Variants in L3MBTL3 observed in about 807,000 individuals in gnomAD.
The protein encoded by L3MBTL3 is L3MBTL histone methyl-lysine binding protein 3, also known as lethal(3)malignant brain tumor-like protein 3.
In L3MBTL3, 27 loss-of-function variants were observed where a neutral mutation model predicts 102.3. The ratio of observed to expected loss-of-function variants is 0.26; its 90% CI spans 0.19 to 0.36. The LOEUF is 0.36. Ranked by LOEUF, L3MBTL3 falls within the 10% of genes least tolerant of loss-of-function variation. The pLI is 1.00. For synonymous variants in L3MBTL3, 340 were observed against 320.9 expected (o/e 1.06, Z -0.64); for missense variants, 798 against 955.3 (o/e 0.84, Z 2.17).
intron 2 of L3MBTL3, among the ~76,000 whole-genome samples, chr6:130,030,665 TAAAAAAAAAAAAAAA>T (rs548921467): frequency 6.2e-5 from 3 of 48,542 alleles, no homozygotes; most frequent in East Asian, 7.8e-4. Context: ...AGACTCTACC[TAAAAAAAAAAAAAAA>T]AAAAAAAAAA....
At chr6:130,029,974 C>T (rs948055894) in intron 2 of L3MBTL3, among the ~76,000 whole-genome samples, 1 of 152,102 alleles carries the variant, frequency 6.6e-6, no homozygotes, top group Admixed American at 6.6e-5. Flanking sequence ...GAGGCATGCA[C>T]CACCACGCCC....
intron 15 of L3MBTL3, among the ~76,000 whole-genome samples, chr6:130,084,417 T>G (rs894004300): frequency 1.3e-5 from 2 of 152,178 alleles, no homozygotes; most frequent in Non-Finnish European, 2.9e-5. Context: ...CTTTAAGACA[T>G]CCTTTTATGT....
chr6:130,049,579 G>T lies in L3MBTL3; in HGVS notation c.215-177G>T, dbSNP rs1780958116. 7 of 694,118 alleles carry T rather than the reference G, an allele frequency of 1.0e-5. No individual in the cohort carries two copies. The East Asian group carries it at 2.1e-4, about 21-fold the overall frequency. The allele number at this position is 694,118 out of a possible 1,614,324, so 43.0% of individuals were successfully genotyped here. ...TTATGTTTTAAAATAACTATAAACT[G>T]TCTTCTTTGTCCTAATGCCAGATCT... is the stretch of plus-strand genomic sequence containing the variant. On this transcript the variant is annotated intron_variant, in intron 4 of 22. Transcript: ENST00000361794.
At chr6:130,082,053 T>C (rs1016945959) in intron 14 of L3MBTL3, among the ~76,000 whole-genome samples, 1 of 151,888 alleles carries the variant, frequency 6.6e-6, no homozygotes, top group Non-Finnish European at 1.5e-5. Context: ...ATCATAGACA[T>C]AGTGCTGTGT....
At chr6:130,035,956 T>C (rs1039638844) in intron 2 of L3MBTL3, among the ~76,000 whole-genome samples, 3 of 148,696 alleles carry the variant, frequency 2.0e-5, no homozygotes, top group African/African-American at 5.0e-5. Flanking sequence ...GTGACTTGCA[T>C]TGTGACTCTC....
At chr6:130,049,998 C>T (rs1435782664) in intron 5 of L3MBTL3, among the ~76,000 whole-genome samples, 168 bp downstream of exon 5, 1 of 152,224 alleles carries the variant, frequency 6.6e-6, no homozygotes, top group Non-Finnish European at 1.5e-5. Flanking sequence ...TTCTTCCCAT[C>T]CCCATATCCT....
chr6:130,054,921 G>T (rs1479933481), intron 7 of L3MBTL3, among the ~76,000 whole-genome samples: 1 of 152,224 alleles, frequency 6.6e-6, no homozygotes, highest in African/African-American at 2.4e-5. Context: ...AGAGCAGAAA[G>T]TGTTTCAAGG....
At chr6:130,113,883 CTA>C (rs1328795153) in intron 19 of L3MBTL3, among the ~76,000 whole-genome samples, 2 of 152,164 alleles carry the variant, frequency 1.3e-5, no homozygotes, top group Non-Finnish European at 2.9e-5. Context: ...CTTTGCAAAA[CTA>C]TCACATCAAA....
At chr6:130,030,696 A>G (rs796573903) in intron 2 of L3MBTL3, among the ~76,000 whole-genome samples, 42 of 140,580 alleles carry the variant, frequency 3.0e-4, no homozygotes, top group African/African-American at 1.0e-3. Flanking sequence ...AAAAAAAAAG[A>G]TTTAAACCCA....
chr6:130,131,008 G>T (rs1176387183), intron 20 of L3MBTL3, among the ~76,000 whole-genome samples: 1 of 152,084 alleles, frequency 6.6e-6, no homozygotes, highest in Non-Finnish European at 1.5e-5. Context: ...GGAAACATCT[G>T]ATACATAGGA....
intron 22 of L3MBTL3, among the ~76,000 whole-genome samples, chr6:130,136,534 T>G (rs937635122): frequency 6.6e-6 from 1 of 152,182 alleles, no homozygotes; most frequent in African/African-American, 2.4e-5. Flanking sequence ...CTTTCTTACT[T>G]GAAATTGCCT....
At position 130,051,403 on chromosome 6, in the gene L3MBTL3, A is replaced by C; in HGVS notation, c.444A>C (p.Lys148Asn). 6.2e-7 allele frequency: 1 copy of C among 1,612,726 alleles called. No homozygotes were observed. Residue 148 changes from lysine to asparagine, a missense_variant, in exon 6 of 23, where the codon AAA (lysine) becomes AAC (asparagine). Physicochemically the swap from Lys to Asn is moderately conservative, Grantham distance 94. Coordinates refer to ENST00000361794, the MANE Select transcript of L3MBTL3 (RefSeq NM_032438.4). ...YCSQNCARHI[K>N]DKDQKEERDV... ...GCCAGAATTGTGCTCGGCACATCAA[A>C]GATAAGTAGGTTTTTGCCCCATTCC...
At chr6:130,073,884 C>T (rs565833950) in intron 13 of L3MBTL3, among the ~76,000 whole-genome samples, 1 of 152,252 alleles carries the variant, frequency 6.6e-6, no homozygotes, top group Admixed American at 6.5e-5. Context: ...TTGAGGATTA[C>T]TTAGACTTCC....
At chr6:130,065,326 T>G (rs1232886213) in intron 10 of L3MBTL3, among the ~76,000 whole-genome samples, 1 of 152,214 alleles carries the variant, frequency 6.6e-6, no homozygotes, top group Non-Finnish European at 1.5e-5. Context: ...TGTATGTATA[T>G]AAATGCATAT....
chr6:130,075,956 A>T (rs189507713), intron 13 of L3MBTL3, among the ~76,000 whole-genome samples: 4 of 152,346 alleles, frequency 2.6e-5, no homozygotes, highest in Admixed American at 2.6e-4. Context: ...AAGCAAATTA[A>T]TATTTCAAAC....
At chr6:130,074,646 G>A (rs1015827984) in intron 13 of L3MBTL3, among the ~76,000 whole-genome samples, 6 of 152,184 alleles carry the variant, frequency 3.9e-5, no homozygotes, top group African/African-American at 1.2e-4. Flanking sequence ...CCAGGCACTA[G>A]GAAGGAACCT....
intron 20 of L3MBTL3, among the ~76,000 whole-genome samples, chr6:130,130,237 A>G (rs1786913222): frequency 6.6e-6 from 1 of 152,242 alleles, no homozygotes; most frequent in Admixed American, 6.5e-5. Context: ...GCGGAACATT[A>G]GAAATGAATT....
At chr6:130,050,380 GT>G (rs1449345552) in intron 5 of L3MBTL3, among the ~76,000 whole-genome samples, 1 of 152,182 alleles carries the variant, frequency 6.6e-6, no homozygotes, top group African/African-American at 2.4e-5. Context: ...ACATCATGTG[GT>G]TTCATGCTTT....
intron 2 of L3MBTL3, among the ~76,000 whole-genome samples, chr6:130,024,631 T>C (rs1483039373): frequency 6.6e-6 from 1 of 152,184 alleles, no homozygotes. Context: ...ACTTACTTTA[T>C]GTGGTGGGTG....
Sources: allele counts gnomAD v4.1 joint callset (sites outside exome capture counted in the v4.1 genomes callset), GRCh38; gene constraint gnomAD v4.1.1; transcripts MANE v1.5; gene names NCBI Gene and HGNC (gene_info 2026-07-23, HGNC 2026-07-21).